Variants in SGCZ observed in about 807,000 individuals in gnomAD.
SGCZ encodes sarcoglycan zeta, also known as zeta-sarcoglycan.
A neutral mutation model predicts 41.3 loss-of-function variants in SGCZ; 40 were observed. The ratio of observed to expected loss-of-function variants is 0.97; its 90% CI spans 0.75 to 1.26. SGCZ has a LOEUF of 1.26. SGCZ is among the 50% of genes most tolerant of loss of function. The pLI, the probability that SGCZ is intolerant of heterozygous loss-of-function variation, is 0.00. For missense variants in SGCZ, 552 were observed against 369.8 expected (o/e 1.49, Z -4.04); for synonymous variants, 206 against 137.5 (o/e 1.50, Z -3.49).
intron 1 of SGCZ, among the ~76,000 whole-genome samples, chr8:15,097,088 C>T (rs770891103): frequency 6.6e-6 from 1 of 152,238 alleles, no homozygotes; most frequent in East Asian, 1.9e-4. Flanking sequence ...ATAGGTGTGA[C>T]TATAGACATG....
chr8:15,143,574 T>C (rs1798958576), intron 1 of SGCZ, among the ~76,000 whole-genome samples: 1 of 152,242 alleles, frequency 6.6e-6, no homozygotes, highest in Admixed American at 6.5e-5. Flanking sequence ...TACTTCTTTC[T>C]GAAAACCATG....
rs147744880 is a variant in SGCZ, at chr8:14,709,917, T to C, written c.40-154991A>G. On this transcript the variant is annotated intron_variant, in intron 1 of 7. Coordinates refer to ENST00000382080, the MANE Select transcript of SGCZ (RefSeq NM_139167.4). ...TTTTATAAATGAACAAGTAATTGTC[T>C]TAATATTATGTACCTGTTGAAGTCT... Among the ~76,000 whole-genome samples, 1,357 of 152,272 alleles carry C rather than the reference T, an allele frequency of 8.9e-3. 18 individuals are homozygous for C. The highest frequency in any genetic ancestry group is 0.031 in the Middle Eastern group (9 of 294).
intron 1 of SGCZ, among the ~76,000 whole-genome samples, chr8:15,228,736 T>C (rs1801852378): frequency 6.6e-6 from 1 of 152,170 alleles, no homozygotes; most frequent in African/African-American, 2.4e-5. Context: ...TTAACCTAAG[T>C]ATTAAATATC....
intron 1 of SGCZ, among the ~76,000 whole-genome samples, chr8:14,872,076 C>A (rs1056672032): frequency 6.6e-6 from 1 of 151,664 alleles, no homozygotes; most frequent in East Asian, 1.9e-4. Context: ...GAACAGAAAA[C>A]CAAACATTCC....
intron 2 of SGCZ, among the ~76,000 whole-genome samples, chr8:14,542,997 T>C (rs1302297206): frequency 6.6e-6 from 1 of 152,022 alleles, no homozygotes; most frequent in Non-Finnish European, 1.5e-5. Context: ...CCAGTGATTG[T>C]AAACAAGCTT....
At chr8:14,311,261 C>G (rs970809553) in intron 3 of SGCZ, among the ~76,000 whole-genome samples, 1 of 152,034 alleles carries the variant, frequency 6.6e-6, no homozygotes, top group Non-Finnish European at 1.5e-5. Context: ...GTTCCCAGGC[C>G]TGACTTCTAA....
chr8:14,820,099 G>GA (rs147238392), intron 1 of SGCZ, among the ~76,000 whole-genome samples: 7,264 of 151,844 alleles, frequency 0.048, 298 homozygotes, highest in African/African-American at 0.12. Context: ...AAAAAATGGA[G>GA]AAAAAATTAG....
intron 1 of SGCZ, among the ~76,000 whole-genome samples, chr8:14,970,607 G>A (rs1801259869): frequency 6.6e-6 from 1 of 152,062 alleles, no homozygotes; most frequent in Non-Finnish European, 1.5e-5. Context: ...AAAATCGGTT[G>A]TTCACATATG....
At chr8:14,860,505 GAGAC>G (rs2130677114) in intron 1 of SGCZ, among the ~76,000 whole-genome samples, 1 of 145,082 alleles carries the variant, frequency 6.9e-6, no homozygotes, top group East Asian at 2.0e-4. Flanking sequence ...AAGAGGAAAA[GAGAC>G]AGAATGAAAA....
intron 1 of SGCZ, among the ~76,000 whole-genome samples, chr8:14,850,381 T>A (rs62493320): frequency 0.2 from 29,919 of 152,066 alleles, 3,129 homozygotes; most frequent in Admixed American, 0.31. Context: ...CAGTATTGCA[T>A]ACACAATACT....
chr8:14,811,008 T>C (rs1008623921), intron 1 of SGCZ, among the ~76,000 whole-genome samples: 6 of 152,050 alleles, frequency 3.9e-5, no homozygotes, highest in African/African-American at 9.7e-5. Context: ...ACATTTTTAG[T>C]ACATCTTTCC....
chr8:14,425,842 C>A (rs1381434743), intron 2 of SGCZ, among the ~76,000 whole-genome samples: 2 of 151,456 alleles, frequency 1.3e-5, no homozygotes, highest in African/African-American at 4.9e-5. Context: ...AGAGTAAGGA[C>A]CAAGTAATAA....
intron 6 of SGCZ, among the ~76,000 whole-genome samples, chr8:14,104,204 A>ATTATAATTGTATTCATTT (rs1376864803): frequency 6.6e-6 from 1 of 152,204 alleles, no homozygotes; most frequent in South Asian, 2.1e-4. Context: ...AAATTAGTGA[A>ATTATAATTGTATTCATTT]TTATAATTGT....
At chr8:14,644,544 T>A (rs1395089947) in intron 1 of SGCZ, among the ~76,000 whole-genome samples, 1 of 151,800 alleles carries the variant, frequency 6.6e-6, no homozygotes, top group African/African-American at 2.4e-5. Context: ...TCCTTCAAAG[T>A]CCATTAATGG....
rs1800662838 is a variant in SGCZ at position 14,783,737 on chromosome 8, T to C, written c.40-228811A>G. Among the ~76,000 whole-genome samples, 3 of 152,150 alleles carry C rather than the reference T, an allele frequency of 2.0e-5. No homozygotes were observed. The South Asian group carries it at 6.2e-4, about 32-fold the overall frequency. On this transcript the variant is annotated intron_variant, in intron 1 of 7. Coordinates refer to ENST00000382080, the MANE Select transcript of SGCZ (RefSeq NM_139167.4). ...TTGTTGTTTGTTTTTCTATCTGGGATAATAAAGCTTTTAGTCATTTGGAAA... is the reference window on the plus strand; with the variant it reads ...TTGTTGTTTGTTTTTCTATCTGGGACAATAAAGCTTTTAGTCATTTGGAAA...
chr8:15,010,366 C>A (rs1802781616), intron 1 of SGCZ, among the ~76,000 whole-genome samples: 2 of 152,100 alleles, frequency 1.3e-5, no homozygotes, highest in African/African-American at 4.8e-5. Context: ...TTATAGAAAT[C>A]TCAACAGAAA....
chr8:15,228,114 TACATTA>T (rs1801833712), intron 1 of SGCZ, among the ~76,000 whole-genome samples: 1 of 152,252 alleles, frequency 6.6e-6, no homozygotes, highest in Admixed American at 6.5e-5. Context: ...TTATTTGTTA[TACATTA>T]AGAGCTATTA....
At chr8:14,979,009 G>C (rs1374071518) in intron 1 of SGCZ, among the ~76,000 whole-genome samples, 2 of 152,076 alleles carry the variant, frequency 1.3e-5, no homozygotes, top group Admixed American at 6.6e-5. Context: ...ATGTTGCCCA[G>C]GCTGTTCTCA....
chr8:14,324,062 T>C, intron 3 of SGCZ, 41 bp downstream of exon 3: 1 of 1,396,946 alleles, frequency 7.2e-7, no homozygotes, highest in South Asian at 1.2e-5. Context: ...ACATAACCTC[T>C]AAATTATCTT....
Sources: allele counts gnomAD v4.1 joint callset (sites outside exome capture counted in the v4.1 genomes callset), GRCh38; gene constraint gnomAD v4.1.1; transcripts MANE v1.5; gene names NCBI Gene and HGNC (gene_info 2026-07-23, HGNC 2026-07-21).